DPYSL2: variants seen among roughly 807,000 people sequenced by gnomAD.
DPYSL2 encodes dihydropyrimidinase-related protein 2.
Under a neutral mutation model 69.9 loss-of-function variants are expected in DPYSL2, and 13 were observed. The ratio of observed to expected loss-of-function variants is 0.19; its 90% confidence interval spans 0.12 to 0.30. The LOEUF (loss-of-function observed/expected upper bound fraction) is 0.30. Ranked by LOEUF, DPYSL2 falls within the 10% of genes least tolerant of loss-of-function variation. The pLI is 1.00. For missense variants in DPYSL2, 587 were observed against 918.9 expected, an observed-to-expected ratio of 0.64 and a Z score of 4.67; for synonymous variants, 326 against 359.1, an observed-to-expected ratio of 0.91 and a Z score of 1.04.
intron 3 of DPYSL2, among the ~76,000 whole-genome samples, chr8:26,618,315 CTT>C (rs11384905): frequency 6.9e-6 from 1 of 145,916 alleles, no homozygotes; most frequent in African/African-American, 2.5e-5. Flanking sequence ...GGTTTTACGC[CTT>C]TTTTTTTTTT....
At position 26,610,573 on chromosome 8, in the gene DPYSL2, C is replaced by T. The variant is rs531168433; in HGVS notation, c.629-13570C>T. ...TCAAAGTTCCATGCCTGGGGCCCTC[C>T]ACCCTCCTTCCCTCAATCACGCCTT... On this transcript the variant is annotated intron_variant, in intron 3 of 13. Transcript: ENST00000521913. The surrounding 1 kb of genome is among the most constrained non-coding windows in gnomAD (Gnocchi z 4.5). Among the ~76,000 whole-genome samples the T allele has an allele frequency of 6.6e-6, 1 of 152,204 alleles. No individual in the cohort carries two copies. The highest frequency in any genetic ancestry group is 6.5e-5 in the Admixed American group (1 of 15,288).
chr8:26,613,988 GGCATGGTGGCACGT>G (rs1802293003), intron 3 of DPYSL2, among the ~76,000 whole-genome samples: 1 of 152,044 alleles, frequency 6.6e-6, no homozygotes, highest in African/African-American at 2.4e-5. Context: ...AAATTAACTG[GGCATGGTGGCACGT>G]GCCTGTGGTC....
rs1175626970 is a variant in DPYSL2, at chr8:26,614,081, A to T, written c.629-10062A>T. On this transcript the variant is annotated intron_variant, in intron 3 of 13. Transcript: ENST00000521913. The surrounding 1 kb of genome is among the most constrained non-coding windows in gnomAD (Gnocchi z 4.9). ...GGAAATCAAGGCTGCGGTCAGCCAG[A>T]TTGCACCACAGCATTCCGGCTTGGG... Among the ~76,000 whole-genome samples the T allele has an allele frequency of 3.3e-5, 5 of 152,188 alleles. No individual in the cohort carries two copies. Among genetic ancestry groups the T allele is most frequent in the Non-Finnish European group, 5.9e-5 (4 of 68,028 alleles).
intron 13 of DPYSL2, 73 bp from the exon 14 acceptor site, chr8:26,655,542 T>C (rs937441922): frequency 7.5e-7 from 1 of 1,336,302 alleles, no homozygotes; most frequent in Non-Finnish European, 1.0e-6. Flanking sequence ...AGCTGTGAGA[T>C]TTCACCTTCA....
intron 8 of DPYSL2, among the ~76,000 whole-genome samples, chr8:26,639,607 C>T (rs1802995403): frequency 6.6e-6 from 1 of 152,092 alleles, no homozygotes. Flanking sequence ...AATTTGAATC[C>T]CTGAATTCAT....
At chr8:26,645,270 G>A (rs1248923734) in intron 10 of DPYSL2, among the ~76,000 whole-genome samples, 1 of 152,032 alleles carries the variant, frequency 6.6e-6, no homozygotes, top group Non-Finnish European at 1.5e-5. Flanking sequence ...ATGGTGGCAG[G>A]TGCCTGTAGT....
At chr8:26,601,922 T>G (rs1486488260) in intron 3 of DPYSL2, among the ~76,000 whole-genome samples, 1 of 152,198 alleles carries the variant, frequency 6.6e-6, no homozygotes, top group Non-Finnish European at 1.5e-5. Context: ...AAAGACAGGA[T>G]TGTATATGAC....
chr8:26,603,240 T>G (rs558647675), intron 3 of DPYSL2, among the ~76,000 whole-genome samples: 1 of 152,222 alleles, frequency 6.6e-6, no homozygotes, highest in Non-Finnish European at 1.5e-5. Context: ...TGGCCCGATC[T>G]TGGCTCACTA....
chr8:26,575,727 A>G lies in DPYSL2; in HGVS notation c.355-6242A>G, dbSNP rs557552445. ...GGTAAACTGGTAAATAACAAGATATATTTAAACCCATTACGCTCAAACAAC... is the reference window on the plus strand; with the variant it reads ...GGTAAACTGGTAAATAACAAGATATGTTTAAACCCATTACGCTCAAACAAC... On this transcript the variant is annotated intron_variant, in intron 1 of 13. Transcript: ENST00000521913. Among the ~76,000 whole-genome samples, 9 of 152,370 alleles carry G rather than the reference A, an allele frequency of 5.9e-5. No individual in the cohort carries two copies. The South Asian group carries it at 1.9e-3, about 32-fold the overall frequency.
At chr8:26,519,211 C>T (rs145603728) in intron 1 of DPYSL2, among the ~76,000 whole-genome samples, 51 of 152,318 alleles carry the variant, frequency 3.3e-4, no homozygotes, top group African/African-American at 1.2e-3. Flanking sequence ...GCAAGCATCC[C>T]TCTTTACTTT....
In DPYSL2 at chr8:26,598,681, G is replaced by A. The variant is rs62491921; in HGVS notation, c.628+14698G>A. On this transcript the variant is annotated intron_variant, in intron 3 of 13. Transcript: ENST00000521913. This position sits in a 1 kb window ranked among gnomAD's most constrained non-coding sequence, Gnocchi z 4.2. ...AGTACTTTGAAATAAAGATTGGCTC[G>A]CAGGGCAGGTTGAAGCTTCAACACC... 0.015 allele frequency among the ~76,000 whole-genome samples: 2,337 copies of A among 152,220 alleles called. 30 individuals carry two copies. The highest frequency in any genetic ancestry group is 0.068 in the Middle Eastern group (20 of 294).
chr8:26,618,169 C>T (rs750043862), intron 3 of DPYSL2, among the ~76,000 whole-genome samples: 95 of 152,166 alleles, frequency 6.2e-4, no homozygotes, highest in Non-Finnish European at 1.1e-3. Flanking sequence ...GATTCACAGG[C>T]CCACCACGCA....
rs572618773 is a variant in DPYSL2 at position 26,622,903 on chromosome 8, G to A, written c.629-1240G>A. Among the ~76,000 whole-genome samples, 7 of 152,308 alleles carry A rather than the reference G, an allele frequency of 4.6e-5. No individual in the cohort carries two copies. The South Asian group carries it at 6.2e-4, about 14-fold the overall frequency. ...ACTGATGTTTTCTTAGCTCAGAACT[G>A]CTTACCTGTGTGTAGAAAATCTAAT... On this transcript the variant is annotated intron_variant, in intron 3 of 13. Transcript: ENST00000521913.
chr8:26,631,663 G>A (rs539163696), intron 7 of DPYSL2, among the ~76,000 whole-genome samples: 151 of 152,322 alleles, frequency 9.9e-4, no homozygotes, highest in African/African-American at 3.4e-3. Flanking sequence ...GGCAGATCCA[G>A]GGATGCACCA....
chr8:26,654,661 T>C lies in DPYSL2; in HGVS notation c.1943-954T>C, dbSNP rs1463531995. On this transcript the variant is annotated intron_variant, in intron 13 of 13. Coordinates refer to ENST00000521913, the MANE Select transcript of DPYSL2 (RefSeq NM_001197293.3). This position sits in a 1 kb window ranked among gnomAD's most constrained non-coding sequence, Gnocchi z 5.0. ...GGATTAGAATGCCAGAAGAGGGCTATGTCCTCAGAAAAGCCACAGCCAATT... is the reference window on the plus strand; with the variant it reads ...GGATTAGAATGCCAGAAGAGGGCTACGTCCTCAGAAAAGCCACAGCCAATT... 2.0e-5 allele frequency among the ~76,000 whole-genome samples: 3 copies of C among 152,286 alleles called. No homozygotes were observed. The East Asian group carries it at 5.8e-4, about 29-fold the overall frequency.
intron 1 of DPYSL2, chr8:26,577,061 C>A: frequency 4.7e-6 from 2 of 422,338 alleles, no homozygotes; most frequent in South Asian, 3.2e-5. Context: ...GGCCGGAAGG[C>A]ACAAAAGGAT....
At chr8:26,630,654 A>T (rs1410784609) in intron 7 of DPYSL2, among the ~76,000 whole-genome samples, 2 of 152,158 alleles carry the variant, frequency 1.3e-5, no homozygotes, top group Admixed American at 1.3e-4. Context: ...TTCAGGGAGC[A>T]CCATTTACAT....
rs116332024 is a variant in DPYSL2 at position 26,522,943 on chromosome 8, G to A, written c.354+8264G>A. Among the ~76,000 whole-genome samples the A allele has an allele frequency of 4.7e-3, 709 of 152,112 alleles. 5 individuals carry two copies. The highest frequency in any genetic ancestry group is 0.015 in the African/African-American group (634 of 41,536). On this transcript the variant is annotated intron_variant, in intron 1 of 13. Transcript: ENST00000521913. ...ACTGCTGGATCATCTGAAATCTACT[G>A]AAAGAGTTCCAGTACCTAATTTCCT...
rs1398652873 is a variant in DPYSL2, at chr8:26,656,984, G to A, written c.*1278G>A. The A allele has an allele frequency of 6.6e-6, 1 of 152,242 alleles. No individual in the cohort carries two copies. The highest frequency in any genetic ancestry group is 1.5e-5 in the Non-Finnish European group (1 of 68,048). The allele number at this position is 152,242 out of a possible 1,614,324, so 9.4% of individuals were successfully genotyped here. ...TGCTAAGCTAATAGGAGTCTGACCC[G>A]AGGGCCTGCTGCTTCCTGGTTAAGT... On this transcript the variant is annotated 3_prime_UTR_variant, in exon 14 of 14. Coordinates refer to ENST00000521913, the MANE Select transcript of DPYSL2 (RefSeq NM_001197293.3).
Sources: gnomAD v4.1 joint callset for allele counts (sites outside exome capture counted in the v4.1 genomes callset) on GRCh38, gnomAD v4.1.1 for gene constraint, Gnocchi (gnomAD v3.1) non-coding constraint, MANE v1.5 for transcripts, NCBI Gene and HGNC (gene_info 2026-07-23, HGNC 2026-07-21) for gene names.